The following EXOC6B variants were observed in gnomAD, a reference collection of about 807,000 sequenced individuals.
The protein encoded by EXOC6B is exocyst complex component 6B, also known as SEC15 homolog B.
EXOC6B carries 54 observed loss-of-function variants against 113.5 expected under a neutral mutation model. The ratio of observed to expected loss-of-function variants is 0.48; its 90% CI spans 0.38 to 0.60. The LOEUF is 0.60. Among genes scored for constraint, EXOC6B ranks in the 20% least tolerant of loss-of-function variants. EXOC6B has a pLI of 0.00. For synonymous variants in EXOC6B, 357 were observed against 339.0 expected (o/e 1.05, Z -0.58); for missense variants, 797 against 977.5 (o/e 0.82, Z 2.46).
intron 10 of EXOC6B, 37 bp downstream of exon 10, chr2:72,514,591 TAAATAA>T: frequency 8.4e-6 from 2 of 238,946 alleles, no homozygotes; most frequent in East Asian, 1.5e-4. Context: ...AATAAATAAA[TAAATAA>T]ATAAATAAAT....
At chr2:72,540,017 A>G (rs1702510801) in intron 8 of EXOC6B, among the ~76,000 whole-genome samples, 1 of 134,858 alleles carries the variant, frequency 7.4e-6, no homozygotes, top group Admixed American at 8.7e-5. Flanking sequence ...CTCATTGTTC[A>G]ATTCCCACCT....
intron 4 of EXOC6B, 25 bp downstream of exon 4, chr2:72,731,130 T>C: frequency 6.3e-7 from 1 of 1,597,984 alleles, no homozygotes; most frequent in Non-Finnish European, 8.5e-7. Context: ...ACACCAAGAA[T>C]CCTTCTCCAT....
At chr2:72,817,263 T>A (rs1392825365) in intron 1 of EXOC6B, among the ~76,000 whole-genome samples, 1 of 152,202 alleles carries the variant, frequency 6.6e-6, no homozygotes, top group Non-Finnish European at 1.5e-5. Flanking sequence ...GACAGGCTTT[T>A]TAAAAATTAT....
At chr2:72,307,161 G>GTTTTTTTTTTTTT (rs1553371308) in intron 20 of EXOC6B, among the ~76,000 whole-genome samples, 104 of 128,262 alleles carry the variant, frequency 8.1e-4, no homozygotes, top group African/African-American at 3.9e-3. Context: ...GTATAGTCCA[G>GTTTTTTTTTTTTT]TTTTTTTTTT....
chr2:72,376,468 C>T (rs1281373661), intron 19 of EXOC6B, among the ~76,000 whole-genome samples: 2 of 152,064 alleles, frequency 1.3e-5, no homozygotes, highest in South Asian at 2.1e-4. Flanking sequence ...TATACCTTTT[C>T]GTCTTTGGCT....
At chr2:72,293,663 A>T (rs1052243523) in intron 20 of EXOC6B, among the ~76,000 whole-genome samples, 1 of 152,198 alleles carries the variant, frequency 6.6e-6, no homozygotes, top group Admixed American at 6.5e-5. Flanking sequence ...AGAAATAAAC[A>T]CATGCTATGG....
intron 18 of EXOC6B, among the ~76,000 whole-genome samples, chr2:72,405,259 C>A (rs1693651931): frequency 6.6e-6 from 1 of 152,160 alleles, no homozygotes; most frequent in Admixed American, 6.5e-5. Context: ...GAGAATGGAA[C>A]CAAGTCAGAA....
At chr2:72,620,028 G>A (rs367742556) in intron 6 of EXOC6B, among the ~76,000 whole-genome samples, 1 of 152,346 alleles carries the variant, frequency 6.6e-6, no homozygotes, top group African/African-American at 2.4e-5. Flanking sequence ...GGACTGGGGT[G>A]CATCCATTCT....
chr2:72,658,290 A>AAAAAAAAAAAAAAAAAAGG (rs1674755502), intron 6 of EXOC6B, among the ~76,000 whole-genome samples: 1 of 2,956 alleles, frequency 3.4e-4, no homozygotes, highest in Non-Finnish European at 9.0e-4. Flanking sequence ...AACTAGTAAA[A>AAAAAAAAAAAAAAAAAAGG]AAAAAAAAAA....
chr2:72,575,431 T>G (rs1704773854), intron 7 of EXOC6B, 61 bp downstream of exon 7: 1 of 1,483,728 alleles, frequency 6.7e-7, no homozygotes, highest in Non-Finnish European at 9.1e-7. Flanking sequence ...CTTCATCACA[T>G]CTCAACCATA....
chr2:72,715,203 G>C (rs536546100), intron 6 of EXOC6B, among the ~76,000 whole-genome samples: 1 of 152,144 alleles, frequency 6.6e-6, no homozygotes, highest in South Asian at 2.1e-4. Flanking sequence ...CTCCAGCCTA[G>C]TGACAGAGTG....
At chr2:72,601,124 A>ATG (rs61668760) in intron 6 of EXOC6B, among the ~76,000 whole-genome samples, 2,383 of 138,490 alleles carry the variant, frequency 0.017, 16 homozygotes, top group Non-Finnish European at 0.025. Context: ...GTGTGTGTGT[A>ATG]TGTGTGTGTG....
intron 8 of EXOC6B, among the ~76,000 whole-genome samples, chr2:72,535,611 G>A (rs1179964237): frequency 6.6e-6 from 1 of 152,194 alleles, no homozygotes; most frequent in South Asian, 2.1e-4. Flanking sequence ...GGTGGCTCAC[G>A]CCTGTAATTC....
chr2:72,704,677 C>T (rs1269843020), intron 6 of EXOC6B, among the ~76,000 whole-genome samples: 1 of 151,838 alleles, frequency 6.6e-6, no homozygotes, highest in Non-Finnish European at 1.5e-5. Context: ...ATACAAACTA[C>T]CATCAGGGAA....
chr2:72,332,745 A>G (rs1465857302), intron 20 of EXOC6B, among the ~76,000 whole-genome samples: 3 of 152,102 alleles, frequency 2.0e-5, no homozygotes, highest in South Asian at 2.1e-4. Context: ...AAAATTCAAA[A>G]ATTCTATTTT....
intron 18 of EXOC6B, among the ~76,000 whole-genome samples, chr2:72,444,250 C>T (rs1444489759): frequency 6.6e-6 from 1 of 152,238 alleles, no homozygotes; most frequent in Non-Finnish European, 1.5e-5. Context: ...ACATCCAGGT[C>T]ATGCTGATGT....
At chr2:72,206,906 A>G (rs1679876133) in intron 20 of EXOC6B, among the ~76,000 whole-genome samples, 1 of 152,222 alleles carries the variant, frequency 6.6e-6, no homozygotes, top group African/African-American at 2.4e-5. Context: ...TGCAAAAAAA[A>G]TTCAGAAAAA....
At chr2:72,717,214 A>G (rs1313719427) in intron 6 of EXOC6B, among the ~76,000 whole-genome samples, 3 of 152,296 alleles carry the variant, frequency 2.0e-5, no homozygotes, top group African/African-American at 7.2e-5. Context: ...TCAAATAGAT[A>G]TTATAGATCA....
Position 72,763,469 on chromosome 2 carries a change from C to T in EXOC6B, c.114-22000G>A, listed in dbSNP as rs1292335688. Among the ~76,000 whole-genome samples, 5 of 151,440 alleles carry T rather than the reference C, an allele frequency of 3.3e-5. No homozygotes were observed. The East Asian group carries it at 9.8e-4, about 30-fold the overall frequency. ...TTTTGACAGGGTCTTACTCTGGCAC[C>T]CAGGCTGGAGTGCACTGGTACGATC... On this transcript the variant is annotated intron_variant, in intron 1 of 21. Coordinates refer to ENST00000272427, the MANE Select transcript of EXOC6B (RefSeq NM_015189.3).
Sources: allele counts gnomAD v4.1 joint callset (sites outside exome capture counted in the v4.1 genomes callset), GRCh38; gene constraint gnomAD v4.1.1; transcripts MANE v1.5; gene names NCBI Gene and HGNC (gene_info 2026-07-23, HGNC 2026-07-21).